Variants in PCDHA4 observed in about 807,000 individuals in gnomAD.
PCDHA4 encodes protocadherin alpha 4, also known as protocadherin alpha-4.
In PCDHA4, 49 loss-of-function variants were observed where a neutral mutation model predicts 61.4. That is an observed-to-expected ratio of 0.80 (90% CI 0.63 to 1.01). PCDHA4 has a LOEUF of 1.01. PCDHA4 is among the 50% of genes least tolerant of loss of function. PCDHA4 has a pLI of 0.00. For synonymous variants in PCDHA4, 590 were observed against 550.3 expected, an observed-to-expected ratio of 1.07 and a Z score of -1.01; for missense variants, 1,254 against 1,235.8, an observed-to-expected ratio of 1.01 and a Z score of -0.22.
At chr5:141,007,706 C>T (rs1269578685) in intron 3 of PCDHA4, among the ~76,000 whole-genome samples, 1 of 152,218 alleles carries the variant, frequency 6.6e-6, no homozygotes, top group Non-Finnish European at 1.5e-5. Flanking sequence ...TCCTCTGCCT[C>T]CCACCACCAG....
intron 1 of PCDHA4, among the ~76,000 whole-genome samples, chr5:140,950,449 T>G (rs1377637881): frequency 4.6e-5 from 7 of 152,088 alleles, no homozygotes; most frequent in African/African-American, 1.7e-4. Flanking sequence ...GTTATTCTAC[T>G]GTCTTCTAAT....
At chr5:140,967,046 C>T in intron 1 of PCDHA4, 1 of 1,612,334 alleles carries the variant, frequency 6.2e-7, no homozygotes, top group African/African-American at 1.3e-5. Context: ...GGAGCTGGAC[C>T]TGACGAGTGG....
At chr5:140,968,684 G>A in intron 1 of PCDHA4, 1 of 1,614,140 alleles carries the variant, frequency 6.2e-7, no homozygotes, top group Non-Finnish European at 8.5e-7. Flanking sequence ...GCTGCACACA[G>A]GAGAAATTAG....
chr5:140,823,811 C>T, intron 1 of PCDHA4: 4 of 1,613,820 alleles, frequency 2.5e-6, no homozygotes, highest in South Asian at 1.1e-5. Context: ...AAGGCCTCAT[C>T]GCGGGCGTCG....
chr5:140,856,535 G>C (rs782625131), intron 1 of PCDHA4: 1 of 1,598,416 alleles, frequency 6.3e-7, no homozygotes, highest in Non-Finnish European at 8.6e-7. Flanking sequence ...GGATGTTGGA[G>C]AGAACGCATT....
At chr5:140,824,084 C>T (rs1247556013) in intron 1 of PCDHA4, 2 of 1,614,074 alleles carry the variant, frequency 1.2e-6, no homozygotes, top group African/African-American at 1.3e-5. Context: ...GACCTCATGG[C>T]CTTCAGTCCA....
intron 1 of PCDHA4, chr5:140,870,398 C>T: frequency 1.2e-6 from 2 of 1,614,234 alleles, no homozygotes; most frequent in Non-Finnish European, 1.7e-6. Context: ...GGGGGTTCGC[C>T]TTCTCTGTGG....
intron 1 of PCDHA4, chr5:140,830,378 G>T: frequency 6.2e-7 from 1 of 1,614,122 alleles, no homozygotes; most frequent in African/African-American, 1.3e-5. Flanking sequence ...CTCCGGGGAG[G>T]GCCCACCCAA....
intron 1 of PCDHA4, among the ~76,000 whole-genome samples, chr5:140,971,377 T>C (rs2096474353): frequency 6.6e-6 from 1 of 152,210 alleles, no homozygotes; most frequent in African/African-American, 2.4e-5. Flanking sequence ...AGTGCATGAC[T>C]TTAATAAAGG....
intron 1 of PCDHA4, chr5:140,822,148 A>G (rs2150114067): frequency 2.5e-6 from 4 of 1,614,274 alleles, no homozygotes; most frequent in East Asian, 2.2e-5. Context: ...AGTGAAGGAC[A>G]TCAATGACAA....
intron 1 of PCDHA4, chr5:140,841,535 C>CG: frequency 6.2e-7 from 1 of 1,613,664 alleles, no homozygotes; most frequent in Non-Finnish European, 8.5e-7. Context: ...CAAAAGACAC[C>CG]GGGACCTTCT....
At chr5:140,967,253 C>T in intron 1 of PCDHA4, 4 of 1,613,546 alleles carry the variant, frequency 2.5e-6, no homozygotes, top group South Asian at 1.1e-5. Context: ...ATCGGTGGCG[C>T]CTGGAGCGCG....
chr5:140,821,784 T>C, intron 1 of PCDHA4: 1 of 1,611,044 alleles, frequency 6.2e-7, no homozygotes, highest in Non-Finnish European at 8.5e-7. Flanking sequence ...AGATGGTATA[T>C]TCCCGGAGAG....
chr5:140,850,233 A>C lies in PCDHA4; in HGVS notation c.2385+40661A>C, dbSNP rs2150474794. The C allele has an allele frequency of 2.5e-6, 4 of 1,593,908 alleles. No individual in the cohort carries two copies. In the South Asian group the frequency reaches 4.4e-5, roughly 18 times the overall value. On this transcript the variant is annotated intron_variant, in intron 1 of 3. Transcript: ENST00000530339. The stretch of plus-strand genomic sequence containing the variant: ...GGGCACTGACGGCGCAGTGAGCGAG[A>C]TGGTGCTGCGGTCGGTGGGCGCCGG...
chr5:140,945,455 A>G (rs2093793181), intron 1 of PCDHA4, among the ~76,000 whole-genome samples: 1 of 152,192 alleles, frequency 6.6e-6, no homozygotes, highest in African/African-American at 2.4e-5. Flanking sequence ...AACTTCCCTA[A>G]AATTTGCATG....
chr5:140,951,659 C>T (rs1293655737), intron 1 of PCDHA4, among the ~76,000 whole-genome samples: 3 of 152,164 alleles, frequency 2.0e-5, no homozygotes, highest in African/African-American at 7.2e-5. Flanking sequence ...CCCACCAGGG[C>T]CTGCCTACAA....
At chr5:140,978,397 C>G (rs2096799745) in intron 1 of PCDHA4, among the ~76,000 whole-genome samples, 1 of 152,080 alleles carries the variant, frequency 6.6e-6, no homozygotes, top group Non-Finnish European at 1.5e-5. Flanking sequence ...CCCTAGTATC[C>G]CTCTTCAATC....
intron 1 of PCDHA4, among the ~76,000 whole-genome samples, chr5:140,897,318 A>T (rs1420123207): frequency 1.4e-5 from 2 of 145,668 alleles, no homozygotes; most frequent in African/African-American, 2.5e-5. Flanking sequence ...TATCTCCTAA[A>T]GCTATCCCTC....
At chr5:140,825,504 A>C (rs2150139800) in intron 1 of PCDHA4, 2 of 151,098 alleles carry the variant, frequency 1.3e-5, no homozygotes, top group South Asian at 4.2e-4. Context: ...GCAATGGTAC[A>C]ATCTTGGCCT....
Sources: allele counts gnomAD v4.1 joint callset (sites outside exome capture counted in the v4.1 genomes callset), GRCh38; gene constraint gnomAD v4.1.1; transcripts MANE v1.5; gene names NCBI Gene and HGNC (gene_info 2026-07-23, HGNC 2026-07-21).